MFN2: variants seen among roughly 807,000 people sequenced by gnomAD.
The protein encoded by MFN2 is mitofusin-2.
A neutral mutation model predicts 87.5 loss-of-function variants in MFN2; 43 were observed. That is an observed-to-expected ratio of 0.49 (90% confidence interval 0.38 to 0.63). MFN2 has a LOEUF of 0.63. MFN2 is among the 30% of genes least tolerant of loss of function. The pLI is 0.00. For synonymous variants in MFN2, 337 were observed against 359.9 expected (o/e 0.94, Z 0.72); for missense variants, 743 against 972.8 (o/e 0.76, Z 3.14).
chr1:11,984,856 C>T (rs1638324636), intron 2 of MFN2, among the ~76,000 whole-genome samples: 1 of 152,248 alleles, frequency 6.6e-6, no homozygotes. Context: ...TCCCCCATAC[C>T]TCGCCCTAAG....
At chr1:11,991,431 C>A (rs1029575809) in intron 3 of MFN2, among the ~76,000 whole-genome samples, 1 of 152,122 alleles carries the variant, frequency 6.6e-6, no homozygotes, top group Non-Finnish European at 1.5e-5. Flanking sequence ...TAAGCTAGAC[C>A]GGAGGCCAAG....
chr1:11,988,073 A>G (rs7551874), intron 2 of MFN2, among the ~76,000 whole-genome samples: 98,005 of 151,286 alleles, frequency 0.65, 32,125 homozygotes, highest in African/African-American at 0.68. Flanking sequence ...ACTAAAATAG[A>G]CCAATAGTTT....
At chr1:11,994,202 G>T (rs1454267800) in intron 4 of MFN2, among the ~76,000 whole-genome samples, 2 of 152,216 alleles carry the variant, frequency 1.3e-5, no homozygotes, top group Admixed American at 1.3e-4. Context: ...AAACCAATAT[G>T]TAGGCAGTTT....
At chr1:12,002,147 C>T (rs376175598) in intron 11 of MFN2, 44 bp downstream of exon 11, 10 of 1,613,680 alleles carry the variant, frequency 6.2e-6, no homozygotes, top group South Asian at 1.1e-5. Context: ...GCTGCCGAGA[C>T]AAGGGTGCTC....
chr1:12,005,212 G>A (rs1403325693), intron 14 of MFN2, among the ~76,000 whole-genome samples: 2 of 152,206 alleles, frequency 1.3e-5, no homozygotes, highest in African/African-American at 4.8e-5. Flanking sequence ...GTCCCGAGTA[G>A]CTGCGACTAC....
intron 5 of MFN2, among the ~76,000 whole-genome samples, 191 bp downstream of exon 5, chr1:11,996,509 C>T (rs892373640): frequency 2.0e-5 from 3 of 152,154 alleles, no homozygotes; most frequent in South Asian, 2.1e-4. Context: ...TTTTCAGAAA[C>T]GTGGATCACC....
intron 2 of MFN2, among the ~76,000 whole-genome samples, chr1:11,985,237 T>C (rs1201729317): frequency 3.9e-5 from 6 of 152,128 alleles, no homozygotes; most frequent in African/African-American, 2.4e-5. Flanking sequence ...GTGTTGATGA[T>C]TATGGTGTGA....
At chr1:11,983,108 GTGCAGTGGCGCGATCT>G (rs1435989524) in intron 2 of MFN2, among the ~76,000 whole-genome samples, 2 of 152,206 alleles carry the variant, frequency 1.3e-5, no homozygotes, top group African/African-American at 4.8e-5. Flanking sequence ...CCAGGCTGGA[GTGCAGTGGCGCGATCT>G]TGCAGTGGCG....
rs11554507 is a variant in MFN2, at chr1:12,013,053, C to T, written c.*1488C>T. ...CCTCAGTCTGTCCTGTTGTGTGGGG[C>T]GAAGTGATGGACTCTGCCAGGTGGA... On this transcript the variant is annotated 3_prime_UTR_variant, in exon 19 of 19. Transcript: ENST00000235329. 0.055 allele frequency: 17,873 copies of T among 325,928 alleles called. 701 individuals carry two copies. Among genetic ancestry groups the T allele is most frequent in the Non-Finnish European group, 0.077 (12,935 of 167,274 alleles). 20.2% of individuals were successfully genotyped at this position (325,928 alleles called of 1,614,324 possible).
intron 11 of MFN2, among the ~76,000 whole-genome samples, 154 bp downstream of exon 11, chr1:12,002,257 C>T (rs1639211405): frequency 6.6e-6 from 1 of 152,258 alleles, no homozygotes; most frequent in South Asian, 2.1e-4. Flanking sequence ...CATGTTAGAA[C>T]CACATAGACA....
In MFN2 at chr1:12,005,202, G is replaced by A. The variant is rs573419892; in HGVS notation, c.1495+275G>A. ...GTTCAAGCGATTCTTCTGCTCCAGC[G>A]TCCCGAGTAGCTGCGACTACAGGCG... On this transcript the variant is annotated intron_variant, in intron 14 of 18. Transcript: ENST00000235329. Among the ~76,000 whole-genome samples, 168 of 152,220 alleles carry A rather than the reference G, an allele frequency of 1.1e-3. 4 individuals are homozygous for A. Among genetic ancestry groups the A allele is most frequent in the Admixed American group, 0.011 (164 of 15,298 alleles).
intron 11 of MFN2, among the ~76,000 whole-genome samples, chr1:12,002,832 A>T (rs1639236604): frequency 6.6e-6 from 1 of 152,236 alleles, no homozygotes; most frequent in African/African-American, 2.4e-5. Flanking sequence ...GAGGCACCAT[A>T]ATCATGAATT....
chr1:12,002,103 A>T lies in MFN2; in HGVS notation c.1160A>T (p.Gln387Leu). Residue 387 changes from glutamine to leucine, a missense_variant and splice_region_variant, in exon 11 of 19, where the codon CAG (glutamine) becomes CTG (leucine). By Grantham distance (113) the Gln-to-Leu change is moderately radical (BLOSUM62 -2). Coordinates refer to ENST00000235329, the MANE Select transcript of MFN2 (RefSeq NM_014874.4). ...DSLHMAAREQQVYCEEMREER... is the reference protein window; with the variant it reads ...DSLHMAAREQLVYCEEMREER... ...CTGCACATGGCGGCTCGGGAGCAGC[A>T]GTAAGAGTCCAAGACTGCAGATAGG... 6.2e-7 allele frequency: 1 copy of T among 1,614,242 alleles called. No individual in the cohort carries two copies.
chr1:12,000,576 A>G (rs987773905), intron 8 of MFN2, among the ~76,000 whole-genome samples: 1 of 152,168 alleles, frequency 6.6e-6, no homozygotes, highest in African/African-American at 2.4e-5. Context: ...GGTGTGATAA[A>G]TAGACTTGTT....
In MFN2 at chr1:12,004,160, C is replaced by T. The variant is rs74453521; in HGVS notation, c.1287+42C>T. ...AGGCATTCTGGGAAGATTTGGACTC[C>T]GAGTAGAGTCCAGAAGAAAGCAGAC... On this transcript the variant is annotated intron_variant, in intron 12 of 18. Transcript: ENST00000235329. The surrounding 1 kb of genome is among the most constrained non-coding windows in gnomAD (Gnocchi z 4.2). The T allele has an allele frequency of 3.2e-4, 522 of 1,611,584 alleles. 3 individuals are homozygous for T. The East Asian group carries it at 6.4e-3, about 20-fold the overall frequency.
At chr1:11,998,725 G>A in intron 6 of MFN2, 45 bp from the exon 7 acceptor site, 1 of 1,550,236 alleles carries the variant, frequency 6.5e-7, no homozygotes, top group African/African-American at 1.4e-5. Flanking sequence ...GAAGAATAGG[G>A]CTCCTGCTCT....
intron 17 of MFN2, among the ~76,000 whole-genome samples, chr1:12,008,034 A>G (rs530930256): frequency 4.9e-4 from 74 of 152,318 alleles, no homozygotes; most frequent in Non-Finnish European, 9.8e-4. Flanking sequence ...CTGAGTGGAC[A>G]CAGCACATGT....
rs771237190 is a variant in MFN2 at position 12,007,242 on chromosome 1, G to A, written c.2062G>A (p.Val688Ile). The change falls in exon 17 of 19, where the codon GTC becomes ATC. Residue 688 changes from valine to isoleucine, a missense_variant. Val to Ile is a conservative substitution (Grantham distance 29, BLOSUM62 3). This residue lies in a region of MFN2 where 571 missense variants were observed against 670.7 expected (regional missense o/e 0.85). Coordinates refer to ENST00000235329, the MANE Select transcript of MFN2 (RefSeq NM_014874.4). ...CACTGGCTCCAACTGCAGCCACCAA[G>A]TCCAGCAGTGAGTGGCCCTGTCGGA... ...SYTGSNCSHQ[V>I]QQELSGTFAH... 1 of 1,613,956 alleles carries A rather than the reference G, an allele frequency of 6.2e-7. No homozygotes were observed. The highest frequency in any genetic ancestry group is 8.5e-7 in the Non-Finnish European group (1 of 1,179,990).
intron 1 of MFN2, among the ~76,000 whole-genome samples, chr1:11,980,811 A>T (rs1645969045): frequency 6.6e-6 from 1 of 152,212 alleles, no homozygotes; most frequent in African/African-American, 2.4e-5. Flanking sequence ...AGCACCTGAT[A>T]GGTGTCCACG....
Sources: gnomAD v4.1 joint callset for allele counts (sites outside exome capture counted in the v4.1 genomes callset) on GRCh38, gnomAD v4.1.1 for gene constraint, gnomAD v4.1.1 regional missense constraint, Gnocchi (gnomAD v3.1) non-coding constraint, MANE v1.5 for transcripts, NCBI Gene and HGNC (gene_info 2026-07-23, HGNC 2026-07-21) for gene names.